Variants in LRRC56 observed in about 807,000 individuals in gnomAD.
LRRC56 encodes leucine-rich repeat-containing protein 56.
Under a neutral mutation model 47.8 loss-of-function variants are expected in LRRC56, and 41 were observed. The ratio of observed to expected loss-of-function variants is 0.86; its 90% CI spans 0.67 to 1.11. The LOEUF is 1.11. LRRC56 is among the 50% of genes most tolerant of loss of function. The pLI is 0.00. For synonymous variants in LRRC56, 387 were observed against 311.2 expected (o/e 1.24, Z -2.56); for missense variants, 759 against 704.2 (o/e 1.08, Z -0.88).
At chr11:535,604 T>A (rs534419737), upstream of LRRC56, 36 of 151,238 alleles carry the variant, frequency 2.4e-4, no homozygotes, top group African/African-American at 8.7e-4. Flanking sequence ...CGCCCGTCCG[T>A]CTGCCAGGCG....
chr11:520,712 C>T, the LRRC56 span, among the ~76,000 whole-genome samples: 200 of 152,252 alleles, frequency 1.3e-3, 2 homozygotes, highest in African/African-American at 4.6e-3. Context: ...CAGAGCCCCC[C>T]GAGTCGCCCT....
In LRRC56 at chr11:541,683, C is replaced by T. The variant is rs1851802643; in HGVS notation, c.265+59C>T. ...CACGGCCACGCCTCCCTGTAAACAA[C>T]ACACGTTTCCTGGTTATGACGACAA... On this transcript the variant is annotated intron_variant, in intron 5 of 13. Transcript: ENST00000270115. This position sits in a 1 kb window ranked among gnomAD's most constrained non-coding sequence, Gnocchi z 4.1. The T allele has an allele frequency of 1.9e-6, 2 of 1,062,564 alleles. No homozygotes were observed. Among genetic ancestry groups the T allele is most frequent in the South Asian group, 1.6e-5 (1 of 63,344 alleles). 65.8% of individuals were successfully genotyped at this position (1,062,564 alleles called of 1,614,324 possible).
chr11:522,400 G>A, the LRRC56 span, among the ~76,000 whole-genome samples: 3 of 152,104 alleles, frequency 2.0e-5, no homozygotes, highest in Non-Finnish European at 4.4e-5. Context: ...CAAGTAGTTG[G>A]GACTACAGGC....
intron 1 of LRRC56, among the ~76,000 whole-genome samples, 185 bp downstream of exon 1, chr11:537,790 T>C (rs1851594204): frequency 6.6e-6 from 1 of 152,158 alleles, no homozygotes. Context: ...CCCCTGGCCC[T>C]GCACTGAAAG....
the LRRC56 span, among the ~76,000 whole-genome samples, chr11:513,820 C>CAA: frequency 3.9e-4 from 38 of 96,220 alleles, no homozygotes; most frequent in African/African-American, 1.4e-3. Context: ...AACTCCATCT[C>CAA]AAAAAAAAAA....
At chr11:525,087 T>C in the LRRC56 span, among the ~76,000 whole-genome samples, 3 of 120,100 alleles carry the variant, frequency 2.5e-5, no homozygotes, top group African/African-American at 7.0e-5. Context: ...AAAGCAAGAC[T>C]CCGTCTCAAA....
In LRRC56 at chr11:546,371, A is replaced by G. The variant is rs557580170; in HGVS notation, c.326+1591A>G. ...ATCACGAGGTCAGGAGATTGAGACC[A>G]TACTGACTAACATGGTGAAACCCCG... On this transcript the variant is annotated intron_variant, in intron 6 of 13. Transcript: ENST00000270115. 9.8e-4 allele frequency among the ~76,000 whole-genome samples: 149 copies of G among 151,802 alleles called. 2 individuals are homozygous for G. Among genetic ancestry groups the G allele is most frequent in the Non-Finnish European group, 2.1e-4 (14 of 67,882 alleles).
the LRRC56 span, among the ~76,000 whole-genome samples, chr11:518,978 C>T: frequency 6.6e-6 from 1 of 152,244 alleles, no homozygotes; most frequent in Non-Finnish European, 1.5e-5. Context: ...CCCCAAGACG[C>T]GGCGCGCTTA....
the LRRC56 span, among the ~76,000 whole-genome samples, chr11:511,147 G>A: frequency 8.0e-5 from 12 of 150,826 alleles, no homozygotes; most frequent in African/African-American, 2.9e-4. Context: ...CGGTAAAACC[G>A]CGTCTCTACT....
At chr11:532,485 C>G in the LRRC56 span, 2 of 1,067,154 alleles carry the variant, frequency 1.9e-6, no homozygotes, top group Non-Finnish European at 2.7e-6. Flanking sequence ...GTCTGCACCT[C>G]CTTCCTGCAT....
chr11:513,669 A>T, the LRRC56 span, among the ~76,000 whole-genome samples: 1 of 152,080 alleles, frequency 6.6e-6, no homozygotes, highest in African/African-American at 2.4e-5. Context: ...GAAAGGAAGA[A>T]GCTCAATGTG....
At chr11:532,898 G>A, upstream of LRRC56, 3 of 838,704 alleles carry the variant, frequency 3.6e-6, no homozygotes, top group Non-Finnish European at 5.9e-6. Context: ...CACACACACG[G>A]GAAGCTGGAC....
chr11:551,445 C>A, intron 9 of LRRC56, 143 bp downstream of exon 9: 1 of 796,078 alleles, frequency 1.3e-6, no homozygotes, highest in Non-Finnish European at 2.0e-6. Context: ...GCTGTGCACA[C>A]CCGGCCCCAG....
chr11:524,150 G>C, the LRRC56 span, among the ~76,000 whole-genome samples: 1 of 152,086 alleles, frequency 6.6e-6, no homozygotes, highest in African/African-American at 2.4e-5. Context: ...TGCACCACAC[G>C]TGGAAAAATG....
chr11:532,627 T>A, upstream of LRRC56: 2 of 1,609,730 alleles, frequency 1.2e-6, no homozygotes. Context: ...GGAGTCCCCC[T>A]CACCTGCGTC....
the LRRC56 span, chr11:507,109 T>C: frequency 6.6e-6 from 1 of 152,290 alleles, no homozygotes; most frequent in Non-Finnish European, 1.5e-5. Flanking sequence ...CTGGAGCTAC[T>C]GACCTCGGGA....
At chr11:546,232 C>T (rs925003330) in intron 6 of LRRC56, among the ~76,000 whole-genome samples, 46 of 151,510 alleles carry the variant, frequency 3.0e-4, no homozygotes, top group African/African-American at 1.1e-3. Flanking sequence ...GAGATCACAC[C>T]ACTACACTCC....
chr11:519,019 G>A, the LRRC56 span, among the ~76,000 whole-genome samples: 2 of 152,222 alleles, frequency 1.3e-5, no homozygotes, highest in Non-Finnish European at 2.9e-5. Flanking sequence ...CACGGGGGAG[G>A]CTTCTCCGAA....
chr11:527,084 G>A, the LRRC56 span, among the ~76,000 whole-genome samples: 1 of 152,136 alleles, frequency 6.6e-6, no homozygotes, highest in Admixed American at 6.5e-5. Context: ...GGCAGATCAT[G>A]AGGTCAGGAG....
Sources: gnomAD v4.1 joint callset for allele counts (sites outside exome capture counted in the v4.1 genomes callset) on GRCh38, gnomAD v4.1.1 for gene constraint, Gnocchi (gnomAD v3.1) non-coding constraint, MANE v1.5 for transcripts, NCBI Gene and HGNC (gene_info 2026-07-23, HGNC 2026-07-21) for gene names.